Variants in TFPI observed in about 807,000 individuals in gnomAD.
TFPI encodes anti-convertin.
Under a neutral mutation model 34.6 loss-of-function variants are expected in TFPI, and 15 were observed. The ratio of observed to expected loss-of-function variants is 0.43; its 90% CI spans 0.29 to 0.67. The LOEUF is 0.67. Ranked by LOEUF, TFPI falls within the 30% of genes least tolerant of loss-of-function variation. TFPI has a pLI of 0.15. For missense variants in TFPI, 301 were observed against 364.0 expected, an observed-to-expected ratio of 0.83 and a Z score of 1.41; for synonymous variants, 105 against 120.1, an observed-to-expected ratio of 0.87 and a Z score of 0.82.
At chr2:187,481,935 A>G (rs969712142) in intron 6 of TFPI, among the ~76,000 whole-genome samples, 4 of 152,098 alleles carry the variant, frequency 2.6e-5, no homozygotes, top group African/African-American at 9.7e-5. Context: ...TACTTTTACA[A>G]GCATTTATTT....
chr2:187,530,254 C>T (rs1310458910), intron 1 of TFPI, among the ~76,000 whole-genome samples: 6 of 152,116 alleles, frequency 3.9e-5, no homozygotes, highest in Non-Finnish European at 8.8e-5. Context: ...TTTTCTGATT[C>T]AGTTAGTTGT....
At chr2:187,515,198 A>T (rs1166270670) in intron 1 of TFPI, 2 of 152,216 alleles carry the variant, frequency 1.3e-5, no homozygotes, top group Non-Finnish European at 2.9e-5. Context: ...TAAGAAGTGG[A>T]TAAGCTAACT....
intron 1 of TFPI, among the ~76,000 whole-genome samples, chr2:187,504,645 G>A (rs8176595): frequency 0.022 from 3,354 of 151,868 alleles, 57 homozygotes; most frequent in Non-Finnish European, 0.032. Flanking sequence ...TTTAAAGGTG[G>A]AAGGAAAAGT....
At chr2:187,503,566 A>G in intron 2 of TFPI, 82 bp downstream of exon 2, 1 of 1,517,834 alleles carries the variant, frequency 6.6e-7, no homozygotes, top group Non-Finnish European at 8.9e-7. Flanking sequence ...TTCCCTCCAC[A>G]ATGGAAAACT....
chr2:187,527,259 A>G (rs551512343), intron 1 of TFPI: 20 of 152,302 alleles, frequency 1.3e-4, no homozygotes, highest in African/African-American at 4.8e-4. Context: ...TAGTATTCTC[A>G]ATTGTAAATC....
intron 1 of TFPI, among the ~76,000 whole-genome samples, chr2:187,511,267 TG>T (rs1231589832): frequency 4.6e-5 from 7 of 152,216 alleles, no homozygotes; most frequent in Admixed American, 1.3e-4. Context: ...AAGCGTGGCC[TG>T]ATCACCCACG....
At position 187,472,074 on chromosome 2, in the gene TFPI, A is replaced by G. The variant is rs8176572; in HGVS notation, c.629-4142T>C. On this transcript the variant is annotated intron_variant, in intron 6 of 7. Transcript: ENST00000233156. ...AATATAAAAGTATAACAAATGTAAA[A>G]CAAAATTTATCCATAATTTGATTCT... is the stretch of plus-strand genomic sequence containing the variant. Among the ~76,000 whole-genome samples, 463 of 152,270 alleles carry G rather than the reference A, an allele frequency of 3.0e-3. 3 individuals are homozygous for G. Among genetic ancestry groups the G allele is most frequent in the African/African-American group, 0.011 (443 of 41,574 alleles).
chr2:187,550,255 A>T (rs1689048645), intron 1 of TFPI, among the ~76,000 whole-genome samples: 1 of 152,118 alleles, frequency 6.6e-6, no homozygotes, highest in Non-Finnish European at 1.5e-5. Context: ...AGCACCACCT[A>T]AAAGGGTTAG....
intron 2 of TFPI, among the ~76,000 whole-genome samples, chr2:187,503,151 A>G (rs896772412): frequency 5.3e-5 from 8 of 151,996 alleles, no homozygotes; most frequent in Non-Finnish European, 1.2e-4. Context: ...AACTTATATT[A>G]CTAGATCCTT....
chr2:187,497,041 A>G lies in TFPI; in HGVS notation c.159T>C (p.Phe53=), dbSNP rs772258834. The G allele has an allele frequency of 1.2e-6, 2 of 1,613,164 alleles. No individual in the cohort carries two copies. Among genetic ancestry groups the G allele is most frequent in the Admixed American group, 1.7e-5 (1 of 59,932 alleles). The change falls in exon 3 of 8, where the codon TTT becomes TTC. Residue 53 remains phenylalanine (F), a synonymous_variant. Coordinates refer to ENST00000233156, the MANE Select transcript of TFPI (RefSeq NM_006287.6). ...GGCCATCATCCGCCTTGAATGCACAAAATGAATGCATAAGTTTCAGTGGTG... is the reference window on the plus strand; with the variant it reads ...GGCCATCATCCGCCTTGAATGCACAGAATGAATGCATAAGTTTCAGTGGTG... ...ELPPLKLMHS[F]CAFKADDGPC...
chr2:187,472,548 A>G (rs1346917152), intron 6 of TFPI, among the ~76,000 whole-genome samples: 1 of 152,202 alleles, frequency 6.6e-6, no homozygotes, highest in Non-Finnish European at 1.5e-5. Context: ...CTATGAATTT[A>G]TCTCCTATTC....
chr2:187,516,453 C>A (rs1440877352), intron 1 of TFPI: 1 of 152,182 alleles, frequency 6.6e-6, no homozygotes, highest in Non-Finnish European at 1.5e-5. Context: ...TACCTGTACT[C>A]CTTCAAGTAA....
At chr2:187,533,906 A>G (rs1490593899) in intron 1 of TFPI, among the ~76,000 whole-genome samples, 3 of 152,210 alleles carry the variant, frequency 2.0e-5, no homozygotes, top group Non-Finnish European at 4.4e-5. Context: ...CAGCATGAGA[A>G]CTTCGTGAAG....
At chr2:187,484,244 A>C in intron 5 of TFPI, 28 bp from the exon 6 acceptor site, 2 of 1,584,210 alleles carry the variant, frequency 1.3e-6, no homozygotes, top group Middle Eastern at 1.7e-4. Context: ...CAATTAAAAT[A>C]GATAAACATT....
intron 1 of TFPI, chr2:187,519,071 C>G (rs930862152): frequency 4.6e-5 from 7 of 151,998 alleles, no homozygotes. Context: ...TTTTTAGCTT[C>G]CTTGCATTGG....
At position 187,466,973 on chromosome 2, in the gene TFPI, T is replaced by G; in HGVS notation, c.878A>C (p.Lys293Thr). ...TKRKRKKQRVKIAYEEIFVKN... is the reference protein window; with the variant it reads ...TKRKRKKQRVTIAYEEIFVKN... The stretch of plus-strand genomic sequence containing the variant: ...AACAAAAATTTCTTCATATGCTATT[T>G]TCACTCTCTGCTTCTTTCTTTTTCT... The change falls in exon 8 of 8, where the codon AAA becomes ACA. Residue 293 changes from lysine to threonine, a missense_variant. Coordinates refer to ENST00000233156, the MANE Select transcript of TFPI (RefSeq NM_006287.6). 4 of 1,588,420 alleles carry G rather than the reference T, an allele frequency of 2.5e-6. No individual in the cohort carries two copies. Among genetic ancestry groups the G allele is most frequent in the Non-Finnish European group, 2.6e-6 (3 of 1,164,670 alleles).
intron 6 of TFPI, among the ~76,000 whole-genome samples, chr2:187,472,189 GATA>G (rs1463677270): frequency 6.6e-6 from 1 of 151,934 alleles, no homozygotes; most frequent in Non-Finnish European, 1.5e-5. Context: ...TACTATACTT[GATA>G]ATATTTTGTG....
chr2:187,467,079 A>T, intron 7 of TFPI, 37 bp from the exon 8 acceptor site: 4 of 1,254,766 alleles, frequency 3.2e-6, no homozygotes, highest in Non-Finnish European at 4.5e-6. Context: ...TGTGTGATAA[A>T]ATAACACAAT....
At chr2:187,530,033 A>C (rs1405737324) in intron 1 of TFPI, among the ~76,000 whole-genome samples, 1 of 152,206 alleles carries the variant, frequency 6.6e-6, no homozygotes, top group Non-Finnish European at 1.5e-5. Flanking sequence ...TGGTCTGGGA[A>C]AGTGACTGTT....
Sources: gnomAD v4.1 joint callset for allele counts (sites outside exome capture counted in the v4.1 genomes callset) on GRCh38, gnomAD v4.1.1 for gene constraint, MANE v1.5 for transcripts, NCBI Gene and HGNC (gene_info 2026-07-23, HGNC 2026-07-21) for gene names.